The following OVOL2 variants were observed in gnomAD, a reference collection of about 807,000 sequenced individuals.
OVOL2 encodes transcription factor Ovo-like 2.
In OVOL2, 13 loss-of-function variants were observed where a neutral mutation model predicts 18.1. That is an observed-to-expected ratio of 0.72 (90% CI 0.47 to 1.14). The LOEUF is 1.14. Among genes scored for constraint, OVOL2 ranks in the 50% most tolerant of loss-of-function variants. The pLI, the probability that OVOL2 is intolerant of heterozygous loss-of-function variation, is 0.00. For missense variants in OVOL2, 335 were observed against 383.0 expected, an observed-to-expected ratio of 0.87 and a Z score of 1.05; for synonymous variants, 166 against 162.7, an observed-to-expected ratio of 1.02 and a Z score of -0.16.
intron 3 of OVOL2, among the ~76,000 whole-genome samples, chr20:18,027,720 C>G (rs1196487378): frequency 6.6e-6 from 1 of 151,620 alleles, no homozygotes; most frequent in African/African-American, 2.4e-5. Flanking sequence ...CTCAGCCTCC[C>G]GAGTAGCTGG....
At chr20:18,043,462 G>A (rs1052447907) in intron 2 of OVOL2, among the ~76,000 whole-genome samples, 1 of 152,152 alleles carries the variant, frequency 6.6e-6, no homozygotes, top group Non-Finnish European at 1.5e-5. Context: ...GCCCAAGCTA[G>A]CCATGTGGAC....
chr20:18,046,206 T>C (rs993113382), intron 2 of OVOL2, among the ~76,000 whole-genome samples: 1 of 152,256 alleles, frequency 6.6e-6, no homozygotes, highest in South Asian at 2.1e-4. Flanking sequence ...TGTAAATTCC[T>C]AAACATGAAA....
At position 18,056,902 on chromosome 20, in the gene OVOL2, G is replaced by GAC; in HGVS notation, c.101-27_101-26dup. On this transcript the variant is annotated intron_variant, in intron 1 of 3. Coordinates refer to ENST00000278780, the MANE Select transcript of OVOL2 (RefSeq NM_021220.4). This position sits in a 1 kb window ranked among gnomAD's most constrained non-coding sequence, Gnocchi z 4.2. Reference sequence around the variant, plus strand: ...ACTGTGGAGGGAGGGGCCGCGCCCCGACACACACACTCGGCGTCAACCCGC... The same window carrying GAC: ...ACTGTGGAGGGAGGGGCCGCGCCCCGACACACACACACTCGGCGTCAACCCGC... 4 of 1,474,806 alleles carry GAC rather than the reference G, an allele frequency of 2.7e-6. No homozygotes were observed. The highest frequency in any genetic ancestry group is 2.6e-5 in the South Asian group (2 of 77,426). The allele number at this position is 1,474,806 out of a possible 1,614,324, so 91.4% of individuals were successfully genotyped here.
In OVOL2 at chr20:18,052,354, GACAATTAGTAATGTGAAC is replaced by G. The variant is rs1247732624; in HGVS notation, c.321+4285_321+4302del. Among the ~76,000 whole-genome samples, 241 of 152,300 alleles carry G rather than the reference GACAATTAGTAATGTGAAC, an allele frequency of 1.6e-3. 1 individual carries two copies. The highest frequency in any genetic ancestry group is 5.4e-3 in the African/African-American group (224 of 41,572). The stretch of plus-strand genomic sequence containing the variant: ...GGAGGGGAAAAGTATTAATTTATGA[GACAATTAGTAATGTGAAC>G]ACAATTGGTAATGTGGGTGTGATCA... On this transcript the variant is annotated intron_variant, in intron 2 of 3. Coordinates refer to ENST00000278780, the MANE Select transcript of OVOL2 (RefSeq NM_021220.4).
chr20:18,024,777 C>T lies in OVOL2; in HGVS notation c.687G>A (p.Leu229=), dbSNP rs781093374. The T allele has an allele frequency of 6.2e-6, 10 of 1,614,206 alleles. No homozygotes were observed. In the Admixed American group the frequency reaches 6.7e-5, roughly 11 times the overall value. The change falls in exon 4 of 4, where the codon CTG becomes CTA. Residue 229 remains leucine (L), a synonymous_variant. Coordinates refer to ENST00000278780, the MANE Select transcript of OVOL2 (RefSeq NM_021220.4). ...GATGGGCACTGTTCACGTGCAGGTACAGGTCCTCCTGGGTGGGGCCCGTGT... is the reference window on the plus strand; with the variant it reads ...GATGGGCACTGTTCACGTGCAGGTATAGGTCCTCCTGGGTGGGGCCCGTGT... The part of the protein sequence containing the change: ...CGYTGPTQED[L]YLHVNSAHPG...
Position 18,057,464 on chromosome 20 carries a change from A to T in OVOL2, c.100+71T>A. The T allele has an allele frequency of 6.7e-7, 1 of 1,496,092 alleles. No individual in the cohort carries two copies. Among genetic ancestry groups the T allele is most frequent in the South Asian group, 1.2e-5 (1 of 81,948 alleles). 92.7% of individuals were successfully genotyped at this position (1,496,092 alleles called of 1,614,324 possible). Reference sequence around the variant, plus strand: ...GGGGAGCCCGCCCCTGCCGATGAGCAGAGAAGACCCGCCACCCCTTCCCCC... The same window carrying T: ...GGGGAGCCCGCCCCTGCCGATGAGCTGAGAAGACCCGCCACCCCTTCCCCC... On this transcript the variant is annotated intron_variant, in intron 1 of 3. Coordinates refer to ENST00000278780, the MANE Select transcript of OVOL2 (RefSeq NM_021220.4). This position sits in a 1 kb window ranked among gnomAD's most constrained non-coding sequence, Gnocchi z 6.3.
At chr20:18,040,659 C>A (rs192683191) in intron 3 of OVOL2, among the ~76,000 whole-genome samples, 1 of 152,180 alleles carries the variant, frequency 6.6e-6, no homozygotes, top group South Asian at 2.1e-4. Context: ...CCAAGGGCAC[C>A]CCCAGGACTC....
At chr20:18,052,589 A>G (rs1007877313) in intron 2 of OVOL2, among the ~76,000 whole-genome samples, 5 of 152,194 alleles carry the variant, frequency 3.3e-5, no homozygotes, top group Non-Finnish European at 7.3e-5. Flanking sequence ...GAGATTGTAA[A>G]TAATACAAAG....
At chr20:18,038,027 A>G (rs6045160) in intron 3 of OVOL2, among the ~76,000 whole-genome samples, 45,229 of 152,108 alleles carry the variant, frequency 0.3, 8,495 homozygotes, top group African/African-American at 0.53. Context: ...GCCCAGCTGA[A>G]AGACTACCTT....
At position 18,024,748 on chromosome 20, in the gene OVOL2, C is replaced by T. The variant is rs1345403820; in HGVS notation, c.716G>A (p.Gly239Asp). 1 of 1,614,172 alleles carries T rather than the reference C, an allele frequency of 6.2e-7. No homozygotes were observed. Among genetic ancestry groups the T allele is most frequent in the African/African-American group, 1.3e-5 (1 of 75,036 alleles). The change falls in exon 4 of 4, where the codon GGC becomes GAC. Residue 239 changes from glycine to aspartate, a missense_variant. Gly to Asp is a moderately conservative substitution (Grantham distance 94). Coordinates refer to ENST00000278780, the MANE Select transcript of OVOL2 (RefSeq NM_021220.4). ...AGATGTCTTTTTGAGAAACGAGCTG[C>T]CCGGATGGGCACTGTTCACGTGCAG... ...LYLHVNSAHP[G>D]SSFLKKTSKK...
chr20:18,047,513 AATAAATAAAT>A lies in OVOL2; in HGVS notation c.322-5800_322-5791del, dbSNP rs1371073821. Reference sequence around the variant, plus strand: ...CAACAAGACTGTAACTCTGTCTCAAAATAAATAAATATAAATAAATATAATAATAATATCT... The same window carrying A: ...CAACAAGACTGTAACTCTGTCTCAAAATAAATAAATATAATAATAATATCT... On this transcript the variant is annotated intron_variant, in intron 2 of 3. Coordinates refer to ENST00000278780, the MANE Select transcript of OVOL2 (RefSeq NM_021220.4). Among the ~76,000 whole-genome samples the A allele has an allele frequency of 4.7e-5, 7 of 148,742 alleles. No individual in the cohort carries two copies. The East Asian group carries it at 9.6e-4, about 20-fold the overall frequency.
chr20:18,038,068 A>G (rs2036634379), intron 3 of OVOL2, among the ~76,000 whole-genome samples: 1 of 152,182 alleles, frequency 6.6e-6, no homozygotes, highest in African/African-American at 2.4e-5. Flanking sequence ...ATGCAGTTAG[A>G]AACAAGGCAC....
At chr20:18,031,449 T>C (rs1481864439) in intron 3 of OVOL2, among the ~76,000 whole-genome samples, 2 of 151,950 alleles carry the variant, frequency 1.3e-5, no homozygotes, top group African/African-American at 4.8e-5. Context: ...TGGTGGCGAG[T>C]GCCTGTAATC....
intron 2 of OVOL2, among the ~76,000 whole-genome samples, chr20:18,045,862 G>A (rs1294873275): frequency 1.3e-5 from 2 of 152,086 alleles, no homozygotes; most frequent in East Asian, 1.9e-4. Flanking sequence ...TCAAGGGGAC[G>A]TTTCCTCTGG....
Position 18,056,730 on chromosome 20 carries a change from T to C in OVOL2, c.248A>G (p.Glu83Gly). 6.8e-7 allele frequency: 1 copy of C among 1,477,534 alleles called. No individual in the cohort carries two copies. The highest frequency in any genetic ancestry group is 8.9e-7 in the Non-Finnish European group (1 of 1,121,316). The allele number at this position is 1,477,534 out of a possible 1,614,324, so 91.5% of individuals were successfully genotyped here. ...SPHAPESETP[E>G]PGDAEGPDGH... ...ATCGGGGCCCTCGGCGTCGCCGGGC[T>C]CGGGGGTTTCGCTCTCGGGGGCGTG... The change falls in exon 2 of 4, where the codon GAG (glutamate) becomes GGG (glycine). Residue 83 changes from glutamate (E) to glycine (G), a missense_variant. By Grantham distance (98) the Glu-to-Gly change is moderately conservative (BLOSUM62 -2). Coordinates refer to ENST00000278780, the MANE Select transcript of OVOL2 (RefSeq NM_021220.4). This position sits in a 1 kb window ranked among gnomAD's most constrained non-coding sequence, Gnocchi z 4.2.
intron 3 of OVOL2, among the ~76,000 whole-genome samples, chr20:18,039,450 C>T (rs767563320): frequency 4.0e-4 from 60 of 151,598 alleles, no homozygotes; most frequent in Middle Eastern, 3.2e-3. Context: ...GACGAAATCT[C>T]ATCTCTACAA....
chr20:18,057,405 C>A lies in OVOL2; in HGVS notation c.100+130G>T. 1.8e-6 allele frequency: 2 copies of A among 1,089,136 alleles called. No homozygotes were observed. Among genetic ancestry groups the A allele is most frequent in the Non-Finnish European group, 1.3e-6 (1 of 767,982 alleles). 67.5% of individuals were successfully genotyped at this position (1,089,136 alleles called of 1,614,324 possible). A position where few individuals can be genotyped will look rare whatever the true frequency, so the allele number is the denominator to read the frequency against. On this transcript the variant is annotated intron_variant, in intron 1 of 3. Coordinates refer to ENST00000278780, the MANE Select transcript of OVOL2 (RefSeq NM_021220.4). The surrounding 1 kb of genome is among the most constrained non-coding windows in gnomAD (Gnocchi z 6.3). Reference sequence around the variant, plus strand: ...TGCCTGCCCTAACCCGCCTAGAAGACCCCCGCGTGCCCCCCGGAAGAGGGG... The same window carrying A: ...TGCCTGCCCTAACCCGCCTAGAAGAACCCCGCGTGCCCCCCGGAAGAGGGG...
intron 3 of OVOL2, among the ~76,000 whole-genome samples, chr20:18,027,419 T>C (rs984421612): frequency 1.3e-5 from 2 of 151,328 alleles, no homozygotes; most frequent in Non-Finnish European, 2.9e-5. Flanking sequence ...TCCCAGCTAC[T>C]GGAGAGGCTG....
At chr20:18,032,392 GGAAGGGAGGA>G (rs2036579773) in intron 3 of OVOL2, among the ~76,000 whole-genome samples, 2 of 142,138 alleles carry the variant, frequency 1.4e-5, no homozygotes, top group African/African-American at 6.0e-5. Context: ...AAGGAAGGAA[GGAAGGGAGGA>G]AGGAAGGAAG....
Sources: gnomAD v4.1 joint callset for allele counts (sites outside exome capture counted in the v4.1 genomes callset) on GRCh38, gnomAD v4.1.1 for gene constraint, Gnocchi (gnomAD v3.1) non-coding constraint, MANE v1.5 for transcripts, NCBI Gene and HGNC (gene_info 2026-07-23, HGNC 2026-07-21) for gene names.